Variants in TPCN1 observed in about 807,000 individuals in gnomAD.
TPCN1 encodes two pore segment channel 1, also known as two pore channel protein 1.
Under a neutral mutation model 108.8 loss-of-function variants are expected in TPCN1, and 52 were observed. That is an observed-to-expected ratio of 0.48 (90% CI 0.38 to 0.60). The LOEUF (loss-of-function observed/expected upper bound fraction) is 0.60. TPCN1 is among the 20% of genes least tolerant of loss of function. The probability of loss-of-function intolerance (pLI) is 0.00; values close to 1 mark genes in which losing one functional copy is unlikely to be tolerated. For synonymous variants in TPCN1, 446 were observed against 433.7 expected (o/e 1.03, Z -0.35); for missense variants, 806 against 1,072.8 (o/e 0.75, Z 3.47).
intron 2 of TPCN1, chr12:113,245,776 G>A (rs1472408809): frequency 2.2e-5 from 8 of 359,068 alleles, no homozygotes; most frequent in Non-Finnish European, 3.9e-5. Context: ...TTACGCAGCC[G>A]GGCTGCCCCC....
At chr12:113,285,200 G>C (rs961168070) in intron 17 of TPCN1, among the ~76,000 whole-genome samples, 2 of 152,182 alleles carry the variant, frequency 1.3e-5, no homozygotes, top group Admixed American at 1.3e-4. Context: ...CCCTGTTGGC[G>C]TCTTTCCTCC....
chr12:113,252,169 C>T (rs751921013), intron 2 of TPCN1, among the ~76,000 whole-genome samples: 5 of 152,098 alleles, frequency 3.3e-5, no homozygotes, highest in East Asian at 3.9e-4. Flanking sequence ...GGTTATGTAT[C>T]GGGGAAGAGG....
intron 2 of TPCN1, among the ~76,000 whole-genome samples, chr12:113,240,746 TC>T (rs1246494530): frequency 1.3e-5 from 2 of 148,962 alleles, no homozygotes; most frequent in African/African-American, 2.5e-5. Context: ...TCCTGCCCAT[TC>T]TTTTTTTTTT....
intron 27 of TPCN1, 143 bp downstream of exon 27, chr12:113,293,492 G>A: frequency 4.8e-6 from 4 of 826,886 alleles, no homozygotes; most frequent in South Asian, 4.6e-5. Flanking sequence ...TGCTGGGGTT[G>A]TGTGGGACCT....
chr12:113,246,051 T>A (rs751924172), intron 2 of TPCN1: 1 of 455,902 alleles, frequency 2.2e-6, no homozygotes, highest in Non-Finnish European at 4.4e-6. Flanking sequence ...AGTGTTACCG[T>A]GTGTGCAAAC....
chr12:113,261,927 G>T lies in TPCN1; in HGVS notation c.237+1435G>T, dbSNP rs185808816. On this transcript the variant is annotated intron_variant, in intron 3 of 27. Coordinates refer to ENST00000335509, the MANE Select transcript of TPCN1 (RefSeq NM_017901.6). Reference sequence around the variant, plus strand: ...AAGAAATGGAATTACCGGGTAGAAGGAATCAACAATTTTTAGGGCCTTGAT... The same window carrying T: ...AAGAAATGGAATTACCGGGTAGAAGTAATCAACAATTTTTAGGGCCTTGAT... Among the ~76,000 whole-genome samples, 102 of 152,114 alleles carry T rather than the reference G, an allele frequency of 6.7e-4. 2 individuals are homozygous for T. The East Asian group carries it at 0.018, about 26-fold the overall frequency.
In TPCN1 at chr12:113,279,371, A is replaced by G. The variant is rs1566189229; in HGVS notation, c.1297+536A>G. On this transcript the variant is annotated intron_variant, in intron 14 of 27. Coordinates refer to ENST00000335509, the MANE Select transcript of TPCN1 (RefSeq NM_017901.6). ...TGTGTGTGTGTGTGTATATATATAT[A>G]TATATATATATATATATATATTTTT... Among the ~76,000 whole-genome samples, 14 of 20,908 alleles carry G rather than the reference A, an allele frequency of 6.7e-4. 1 individual carries two copies. The highest frequency in any genetic ancestry group is 3.5e-3 in the East Asian group (2 of 570). The allele number at this position is 20,908 out of a possible 152,430, so 13.7% of individuals were successfully genotyped here. A position where few individuals can be genotyped will look rare whatever the true frequency, so the allele number is the denominator to read the frequency against.
Position 113,268,955 on chromosome 12 carries a change from A to G in TPCN1, c.659+83A>G. On this transcript the variant is annotated intron_variant, in intron 6 of 27. Transcript: ENST00000335509. This position sits in a 1 kb window ranked among gnomAD's most constrained non-coding sequence, Gnocchi z 7.3. ...CCAGTGGGGCAGGAGCTTGTGAGTC[A>G]GTTAGTGATGAGGTCGACCCTGCAT... 6.5e-7 allele frequency: 1 copy of G among 1,539,140 alleles called. No homozygotes were observed. The highest frequency in any genetic ancestry group is 1.4e-5 in the African/African-American group (1 of 73,716).
chr12:113,261,574 A>G (rs981204518), intron 3 of TPCN1, among the ~76,000 whole-genome samples: 1 of 151,856 alleles, frequency 6.6e-6, no homozygotes, highest in Non-Finnish European at 1.5e-5. Flanking sequence ...GACCACAGGC[A>G]CGTGCCACCA....
rs537052224 is a variant in TPCN1, at chr12:113,250,731, G to T, written c.113-9637G>T. 2.6e-5 allele frequency among the ~76,000 whole-genome samples: 4 copies of T among 152,294 alleles called. No homozygotes were observed. In the East Asian group the frequency reaches 7.7e-4, roughly 29 times the overall value. Reference sequence around the variant, plus strand: ...GCACTTTGGGAGGCCAAGGCAGTTGGATCACTTGAGGTCAGGAGTTTGAGA... The same window carrying T: ...GCACTTTGGGAGGCCAAGGCAGTTGTATCACTTGAGGTCAGGAGTTTGAGA... On this transcript the variant is annotated intron_variant, in intron 2 of 27. Coordinates refer to ENST00000335509, the MANE Select transcript of TPCN1 (RefSeq NM_017901.6).
At chr12:113,237,283 CTG>C (rs1444398062) in intron 2 of TPCN1, among the ~76,000 whole-genome samples, 1 of 151,054 alleles carries the variant, frequency 6.6e-6, no homozygotes, top group Admixed American at 6.6e-5. Context: ...ATTTTTCTCT[CTG>C]TGTCTGTCTC....
rs1955986391 is a variant in TPCN1, at chr12:113,284,237, C to T, written c.1343-344C>T. 6.6e-6 allele frequency among the ~76,000 whole-genome samples: 1 copy of T among 152,182 alleles called. No homozygotes were observed. Among genetic ancestry groups the T allele is most frequent in the Non-Finnish European group, 1.5e-5 (1 of 68,036 alleles). On this transcript the variant is annotated intron_variant, in intron 15 of 27. Transcript: ENST00000335509. The surrounding 1 kb of genome is among the most constrained non-coding windows in gnomAD (Gnocchi z 4.1). ...ATGCAATTATTTTAAAATTAGAAGT[C>T]TCTAGGGGAAAACAAGTGTTTTCAA...
intron 17 of TPCN1, among the ~76,000 whole-genome samples, chr12:113,285,028 C>G (rs1329345704): frequency 6.6e-6 from 1 of 152,200 alleles, no homozygotes; most frequent in Admixed American, 6.5e-5. Flanking sequence ...GCCGTGTCCC[C>G]CGCTGCACAC....
chr12:113,243,655 G>C (rs1954234717), intron 2 of TPCN1, among the ~76,000 whole-genome samples: 1 of 152,116 alleles, frequency 6.6e-6, no homozygotes, highest in Non-Finnish European at 1.5e-5. Context: ...TGAGGAGGCT[G>C]AGGCAGGAGA....
intron 2 of TPCN1, among the ~76,000 whole-genome samples, chr12:113,228,157 T>G (rs970278006): frequency 1.3e-5 from 2 of 152,090 alleles, no homozygotes; most frequent in Admixed American, 1.3e-4. Flanking sequence ...GTCAGAGAGG[T>G]CAAGTAACTT....
chr12:113,275,577 CT>C (rs527980636), intron 10 of TPCN1, among the ~76,000 whole-genome samples: 268 of 139,900 alleles, frequency 1.9e-3, no homozygotes, highest in Middle Eastern at 4.0e-3. Flanking sequence ...AAAATATTTC[CT>C]TTTTTTTTTT....
chr12:113,295,716 T>TA (rs1041906198), intron 27 of TPCN1, among the ~76,000 whole-genome samples: 1 of 152,184 alleles, frequency 6.6e-6, no homozygotes, highest in Non-Finnish European at 1.5e-5. Flanking sequence ...CTGGGCCTGT[T>TA]AGAGAGCTGT....
At chr12:113,281,491 A>C (rs1955884855) in intron 15 of TPCN1, among the ~76,000 whole-genome samples, 1 of 152,206 alleles carries the variant, frequency 6.6e-6, no homozygotes. Context: ...AAGCAATCCC[A>C]ATGATATAAT....
At chr12:113,265,253 C>A (rs1034101610) in intron 3 of TPCN1, among the ~76,000 whole-genome samples, 2 of 152,212 alleles carry the variant, frequency 1.3e-5, no homozygotes, top group African/African-American at 4.8e-5. Flanking sequence ...GTGGCAGACA[C>A]CACCCTAACT....
Sources: allele counts gnomAD v4.1 joint callset (sites outside exome capture counted in the v4.1 genomes callset), GRCh38; gene constraint gnomAD v4.1.1; non-coding constraint Gnocchi (gnomAD v3.1); transcripts MANE v1.5; gene names NCBI Gene and HGNC (gene_info 2026-07-23, HGNC 2026-07-21).